Variants in ABCC4 observed in about 807,000 individuals in gnomAD.
ABCC4 encodes ATP-binding cassette sub-family C member 4.
ABCC4 carries 102 observed loss-of-function variants against 168.5 expected under a neutral mutation model. The observed-to-expected ratio is 0.61, with a 90% CI of 0.52 to 0.71. The LOEUF is 0.71. Among genes scored for constraint, ABCC4 ranks in the 30% least tolerant of loss-of-function variants. The pLI, the probability that ABCC4 is intolerant of heterozygous loss-of-function variation, is 0.00. For missense variants in ABCC4, 1,402 were observed against 1,605.8 expected, an observed-to-expected ratio of 0.87 and a Z score of 2.17; for synonymous variants, 617 against 590.7, an observed-to-expected ratio of 1.04 and a Z score of -0.65.
intron 11 of ABCC4, among the ~76,000 whole-genome samples, chr13:95,180,507 G>C (rs1003920409): frequency 2.6e-5 from 4 of 151,474 alleles, no homozygotes; most frequent in African/African-American, 9.7e-5. Context: ...GAGCGAGATC[G>C]CACCATTGCA....
At chr13:95,266,111 C>A (rs1245227129) in intron 1 of ABCC4, 1 of 152,168 alleles carries the variant, frequency 6.6e-6, no homozygotes, top group East Asian at 1.9e-4. Flanking sequence ...GTGAGTATTA[C>A]CTTTCCTGGT....
intron 13 of ABCC4, among the ~76,000 whole-genome samples, chr13:95,171,023 T>C (rs1050100462): frequency 1.3e-5 from 2 of 151,904 alleles, no homozygotes; most frequent in African/African-American, 2.4e-5. Context: ...GTTTCTTAGA[T>C]GATAATTTAT....
chr13:95,116,153 G>A, intron 19 of ABCC4, 152 bp from the exon 20 acceptor site: 2 of 530,420 alleles, frequency 3.8e-6, no homozygotes, highest in Non-Finnish European at 6.4e-6. Context: ...TAAAGAAAAA[G>A]AAAATAGGAC....
chr13:95,118,666 T>C (rs2139419039), intron 19 of ABCC4, among the ~76,000 whole-genome samples: 1 of 152,322 alleles, frequency 6.6e-6, no homozygotes, highest in Non-Finnish European at 1.5e-5. Context: ...ATTCCCTCCA[T>C]GCACATGCCA....
At chr13:95,269,180 G>C in intron 1 of ABCC4, 1 of 426,776 alleles carries the variant, frequency 2.3e-6, no homozygotes, top group Non-Finnish European at 4.7e-6. Flanking sequence ...TGAACCCAAG[G>C]GGGTCATGGG....
At chr13:95,290,852 C>T (rs2041381940) in intron 1 of ABCC4, among the ~76,000 whole-genome samples, 2 of 147,494 alleles carry the variant, frequency 1.4e-5, no homozygotes, top group African/African-American at 4.9e-5. Flanking sequence ...CAAAAATTAG[C>T]CGGGTGTGGT....
chr13:95,203,785 T>C (rs969971639), intron 8 of ABCC4, among the ~76,000 whole-genome samples: 7 of 152,080 alleles, frequency 4.6e-5, no homozygotes, highest in African/African-American at 9.7e-5. Context: ...CAGTCCACTC[T>C]GAAAAAAATC....
intron 20 of ABCC4, among the ~76,000 whole-genome samples, chr13:95,094,857 G>A (rs1398195749): frequency 2.6e-5 from 4 of 151,962 alleles, no homozygotes; most frequent in African/African-American, 9.7e-5. Context: ...AGTGGACTTA[G>A]GACATGAAGA....
intron 19 of ABCC4, among the ~76,000 whole-genome samples, chr13:95,124,321 T>C (rs572221724): frequency 5.9e-5 from 9 of 152,152 alleles, no homozygotes; most frequent in African/African-American, 1.9e-4. Flanking sequence ...CCCGGTGCCT[T>C]CCTCACTGAG....
intron 19 of ABCC4, among the ~76,000 whole-genome samples, chr13:95,155,335 C>T (rs898539288): frequency 1.3e-5 from 2 of 152,142 alleles, no homozygotes; most frequent in South Asian, 2.1e-4. Flanking sequence ...ACTACAACCA[C>T]GCCTGGCTAA....
intron 19 of ABCC4, among the ~76,000 whole-genome samples, chr13:95,143,180 C>G (rs896303277): frequency 1.3e-5 from 2 of 152,092 alleles, no homozygotes; most frequent in African/African-American, 2.4e-5. Flanking sequence ...AGTAGACCAC[C>G]AAGAGAATTC....
At chr13:95,099,755 G>A (rs752315921) in intron 20 of ABCC4, among the ~76,000 whole-genome samples, 9 of 152,112 alleles carry the variant, frequency 5.9e-5, no homozygotes, top group African/African-American at 1.4e-4. Flanking sequence ...ATGCACAAGC[G>A]GCACTATCGG....
intron 2 of ABCC4, among the ~76,000 whole-genome samples, chr13:95,247,412 G>A (rs1276589362): frequency 6.6e-6 from 1 of 152,192 alleles, no homozygotes; most frequent in African/African-American, 2.4e-5. Context: ...CAGACCTCAG[G>A]CATCTCGGGC....
intron 19 of ABCC4, among the ~76,000 whole-genome samples, chr13:95,148,352 T>A (rs1007464499): frequency 3.9e-5 from 6 of 152,122 alleles, no homozygotes; most frequent in African/African-American, 1.4e-4. Flanking sequence ...TCTAAAGTCA[T>A]GCTTTTTACC....
chr13:95,121,876 T>C (rs893506079), intron 19 of ABCC4, among the ~76,000 whole-genome samples: 33 of 152,162 alleles, frequency 2.2e-4, no homozygotes, highest in African/African-American at 7.7e-4. Flanking sequence ...GACCTTCACA[T>C]AGAGATTGCC....
intron 5 of ABCC4, among the ~76,000 whole-genome samples, chr13:95,209,830 G>C (rs1264439055): frequency 6.6e-6 from 1 of 152,224 alleles, no homozygotes; most frequent in African/African-American, 2.4e-5. Flanking sequence ...AGCGGCATTA[G>C]AAGAATGTCT....
chr13:95,253,320 C>CT (rs1471677984), intron 1 of ABCC4, among the ~76,000 whole-genome samples: 8 of 152,164 alleles, frequency 5.3e-5, no homozygotes, highest in Non-Finnish European at 5.9e-5. Context: ...TTGCATTTCA[C>CT]TTTTTTTAAA....
intron 1 of ABCC4, chr13:95,269,328 A>C (rs1369191346): frequency 2.2e-6 from 1 of 455,448 alleles, no homozygotes; most frequent in African/African-American, 2.0e-5. Context: ...CTGGTGGCTG[A>C]GGCAGGAGGA....
At chr13:95,265,027 CCTGA>C (rs1259114382) in intron 1 of ABCC4, among the ~76,000 whole-genome samples, 2 of 151,954 alleles carry the variant, frequency 1.3e-5, no homozygotes, top group African/African-American at 4.8e-5. Context: ...CACCACCACA[CCTGA>C]CTAATTTTTG....
Sources: gnomAD v4.1 joint callset for allele counts (sites outside exome capture counted in the v4.1 genomes callset) on GRCh38, gnomAD v4.1.1 for gene constraint, MANE v1.5 for transcripts, NCBI Gene and HGNC (gene_info 2026-07-23, HGNC 2026-07-21) for gene names.